The following SCARB1 variants were observed in gnomAD, a reference collection of about 807,000 sequenced individuals.
SCARB1 encodes the protein CD36 and LIMPII analogous 1.
SCARB1 carries 30 observed loss-of-function variants against 57.2 expected under a neutral mutation model. The observed-to-expected ratio is 0.52, with a 90% CI of 0.39 to 0.71. The LOEUF is 0.71. Among genes scored for constraint, SCARB1 ranks in the 30% least tolerant of loss-of-function variants. SCARB1 has a pLI of 0.00. For missense variants in SCARB1, 543 were observed against 671.2 expected (o/e 0.81, Z 2.11); for synonymous variants, 249 against 268.3 (o/e 0.93, Z 0.70).
chr12:124,848,857 A>G (rs369207218), intron 1 of SCARB1, among the ~76,000 whole-genome samples: 343 of 152,322 alleles, frequency 2.3e-3, no homozygotes, highest in African/African-American at 7.6e-3. Context: ...CGGTGCAGCA[A>G]AGCGTGCATA....
At chr12:124,797,845 C>T (rs1408252960) in intron 8 of SCARB1, among the ~76,000 whole-genome samples, 5 of 152,204 alleles carry the variant, frequency 3.3e-5, no homozygotes, top group African/African-American at 1.2e-4. Flanking sequence ...GAACAGCATC[C>T]GCCATGGAGC....
intron 9 of SCARB1, among the ~76,000 whole-genome samples, chr12:124,791,027 G>A (rs534717549): frequency 8.7e-4 from 133 of 152,312 alleles, no homozygotes; most frequent in Non-Finnish European, 1.6e-3. Flanking sequence ...TTCAGTACCT[G>A]CCAGGCAGAG....
chr12:124,860,307 A>G (rs1437924899), intron 1 of SCARB1, among the ~76,000 whole-genome samples: 2 of 152,264 alleles, frequency 1.3e-5, no homozygotes, highest in Non-Finnish European at 2.9e-5. Context: ...TTCAGTCTAA[A>G]GAAGCAGGCC....
At chr12:124,795,153 T>C (rs2135577753) in intron 9 of SCARB1, 42 bp downstream of exon 9, 2 of 1,520,518 alleles carry the variant, frequency 1.3e-6, no homozygotes, top group South Asian at 2.2e-5. Context: ...GCACCTAATC[T>C]CTCAATGAGC....
rs1415797551 is a variant in SCARB1 at position 124,782,702 on chromosome 12, A to T, written c.1511T>A (p.Leu504Gln). The change falls in exon 12 of 13, where the codon CTG becomes CAG. Residue 504 changes from leucine to glutamine, a missense_variant. Physicochemically the swap from Leu to Gln is moderately radical, Grantham distance 113. Transcript: ENST00000261693. ...LMTSAPKGSV[L>Q]QEAKL Reference sequence around the variant, plus strand: ...ACCCACCTACAGTTTTGCTTCCTGCAGCACAGAGCCCTTGGGAGCTGATGT... The same window carrying T: ...ACCCACCTACAGTTTTGCTTCCTGCTGCACAGAGCCCTTGGGAGCTGATGT... 1 of 1,614,158 alleles carries T rather than the reference A, an allele frequency of 6.2e-7. No homozygotes were observed. The highest frequency in any genetic ancestry group is 2.2e-5 in the East Asian group (1 of 44,878).
Position 124,821,477 on chromosome 12 carries a change from A to ATCTCTC in SCARB1, c.127-3776_127-3771dup, listed in dbSNP as rs148511562. The ATCTCTC allele has an allele frequency of 2.4e-4, 215 of 888,158 alleles. 1 individual carries two copies. In the African/African-American group the frequency reaches 3.6e-3, roughly 15 times the overall value. 55.0% of individuals were successfully genotyped at this position (888,158 alleles called of 1,614,324 possible). ...GATCCGGCCGCGTGTCCATGTCTCA[A>ATCTCTC]TCTCTCTCTCTCTCTCTCTCTCCCC... On this transcript the variant is annotated intron_variant, in intron 1 of 12. Transcript: ENST00000261693.
At chr12:124,811,768 A>T in intron 5 of SCARB1, 102 bp downstream of exon 5, 1 of 773,122 alleles carries the variant, frequency 1.3e-6, no homozygotes, top group Non-Finnish European at 2.3e-6. Context: ...TTCACGACAA[A>T]GGAAGAAGGA....
At chr12:124,786,571 C>T in intron 10 of SCARB1, 68 bp from the exon 11 acceptor site, 5 of 1,592,340 alleles carry the variant, frequency 3.1e-6, no homozygotes, top group Non-Finnish European at 4.3e-6. Flanking sequence ...CAGATGCCAC[C>T]CAACACCTTC....
chr12:124,802,272 G>C (rs1401573185), intron 7 of SCARB1, among the ~76,000 whole-genome samples: 18 of 152,000 alleles, frequency 1.2e-4, no homozygotes, highest in Admixed American at 1.2e-3. Context: ...TCTGTTAAAA[G>C]AAAAAACAAA....
chr12:124,859,314 T>G (rs901033561), intron 1 of SCARB1, among the ~76,000 whole-genome samples: 2 of 151,984 alleles, frequency 1.3e-5, no homozygotes, highest in Non-Finnish European at 2.9e-5. Flanking sequence ...GATCACAAGG[T>G]CAGGAGATCA....
chr12:124,836,708 C>T (rs1951662071), intron 1 of SCARB1, among the ~76,000 whole-genome samples: 1 of 152,182 alleles, frequency 6.6e-6, no homozygotes, highest in Non-Finnish European at 1.5e-5. Context: ...GCAGGAGGAT[C>T]CCTTGAGCCC....
At chr12:124,803,683 C>A (rs1040527843) in intron 7 of SCARB1, among the ~76,000 whole-genome samples, 1 of 125,890 alleles carries the variant, frequency 7.9e-6, no homozygotes, top group Non-Finnish European at 1.6e-5. Flanking sequence ...CACAACCCCA[C>A]CTCTACAAAA....
In SCARB1 at chr12:124,809,184, G is replaced by A. The variant is rs192975331; in HGVS notation, c.842+990C>T. Among the ~76,000 whole-genome samples, 190 of 152,208 alleles carry A rather than the reference G, an allele frequency of 1.2e-3. 1 individual carries two copies. Among genetic ancestry groups the A allele is most frequent in the Non-Finnish European group, 2.4e-3 (160 of 68,018 alleles). On this transcript the variant is annotated intron_variant, in intron 6 of 12. Transcript: ENST00000261693. ...CCGATGGTTCTGGAAAAAGACACTC[G>A]GCGAGAAGAGGGGGTGGGGGGCTTA... is the stretch of plus-strand genomic sequence containing the variant.
chr12:124,803,587 C>A (rs1266953233), intron 7 of SCARB1, among the ~76,000 whole-genome samples: 2 of 139,974 alleles, frequency 1.4e-5, no homozygotes, highest in Admixed American at 1.5e-4. Context: ...AGCAAAAAAC[C>A]CCAAAAACTG....
intron 12 of SCARB1, among the ~76,000 whole-genome samples, chr12:124,779,879 G>A (rs887128245): frequency 9.2e-5 from 14 of 152,188 alleles, no homozygotes; most frequent in African/African-American, 1.7e-4. Context: ...TGAGCCAGGC[G>A]CGGGGGAGGT....
chr12:124,817,320 A>T lies in SCARB1; in HGVS notation c.284+230T>A, dbSNP rs1950774517. On this transcript the variant is annotated intron_variant, in intron 2 of 12. Coordinates refer to ENST00000261693, the MANE Select transcript of SCARB1 (RefSeq NM_005505.5). The surrounding 1 kb of genome is among the most constrained non-coding windows in gnomAD (Gnocchi z 4.8). ...GATCGCTTGAGCCCAGGACTTCAAA[A>T]CCAGCCTGGGCAACATAGCAAGATC... Among the ~76,000 whole-genome samples the T allele has an allele frequency of 6.9e-6, 1 of 145,946 alleles. No homozygotes were observed. The highest frequency in any genetic ancestry group is 1.5e-5 in the Non-Finnish European group (1 of 67,028).
Position 124,863,762 on chromosome 12 carries a change from C to T in SCARB1, c.-42G>A. 7.1e-7 allele frequency: 1 copy of T among 1,407,068 alleles called. No homozygotes were observed. The highest frequency in any genetic ancestry group is 9.2e-7 in the Non-Finnish European group (1 of 1,082,478). 87.2% of individuals were successfully genotyped at this position (1,407,068 alleles called of 1,614,324 possible). A position where few individuals can be genotyped will look rare whatever the true frequency, so the allele number is the denominator to read the frequency against. ...CCCACCCGCGGCTCGCAGGGCTCCG[C>T]GCCTGGCAGGAGACGGGGACGGCGA... On this transcript the variant is annotated 5_prime_UTR_variant, in exon 1 of 13. Coordinates refer to ENST00000261693, the MANE Select transcript of SCARB1 (RefSeq NM_005505.5).
At chr12:124,856,743 C>A (rs75768897) in intron 1 of SCARB1, among the ~76,000 whole-genome samples, 1 of 152,194 alleles carries the variant, frequency 6.6e-6, no homozygotes, top group Admixed American at 6.5e-5. Context: ...TGGGCCTCCC[C>A]CCCAGGTTCC....
intron 1 of SCARB1, among the ~76,000 whole-genome samples, chr12:124,823,987 A>G (rs1406838394): frequency 6.6e-6 from 1 of 151,570 alleles, no homozygotes; most frequent in Non-Finnish European, 1.5e-5. Context: ...CAACATGGTG[A>G]AACCCCGCCT....
Sources: allele counts gnomAD v4.1 joint callset (sites outside exome capture counted in the v4.1 genomes callset), GRCh38; gene constraint gnomAD v4.1.1; non-coding constraint Gnocchi (gnomAD v3.1); transcripts MANE v1.5; gene names NCBI Gene and HGNC (gene_info 2026-07-23, HGNC 2026-07-21).